The following MAPKAPK2 variants were observed in gnomAD, a reference collection of about 807,000 sequenced individuals.
MAPKAPK2 encodes the protein MAP kinase-activated protein kinase 2.
A neutral mutation model predicts 48.8 loss-of-function variants in MAPKAPK2; 9 were observed. That is an observed-to-expected ratio of 0.18 (90% CI 0.11 to 0.32). MAPKAPK2 has a LOEUF of 0.32. MAPKAPK2 is among the 10% of genes least tolerant of loss of function. MAPKAPK2 has a pLI of 1.00. For missense variants in MAPKAPK2, 331 were observed against 498.3 expected, an observed-to-expected ratio of 0.66 and a Z score of 3.20; for synonymous variants, 202 against 190.6, an observed-to-expected ratio of 1.06 and a Z score of -0.49.
At chr1:206,707,885 A>T (rs890586498) in intron 1 of MAPKAPK2, among the ~76,000 whole-genome samples, 1 of 152,248 alleles carries the variant, frequency 6.6e-6, no homozygotes, top group East Asian at 1.9e-4. Flanking sequence ...ATGTGAAACC[A>T]GCTGGATTTT....
Position 206,732,887 on chromosome 1 carries a change from A to ACTCTGGG in MAPKAPK2, c.*169_*170insCTCTGGG. 1.3e-6 allele frequency: 1 copy of ACTCTGGG among 754,256 alleles called. No individual in the cohort carries two copies. Among genetic ancestry groups the ACTCTGGG allele is most frequent in the Non-Finnish European group, 2.1e-6 (1 of 486,964 alleles). 46.7% of individuals were successfully genotyped at this position (754,256 alleles called of 1,614,324 possible). The stretch of plus-strand genomic sequence containing the variant: ...TCTGCCTTGGTTCTGGCCACCCCAG[A>ACTCTGGG]GTGGGAGAGGCTGGGAGGTTGGGAG... On this transcript the variant is annotated 3_prime_UTR_variant, in exon 10 of 10. Transcript: ENST00000367103. This position sits in a 1 kb window ranked among gnomAD's most constrained non-coding sequence, Gnocchi z 4.4.
chr1:206,730,786 T>TGGGGGGGG, intron 6 of MAPKAPK2, 23 bp downstream of exon 6: 2 of 552,132 alleles, frequency 3.6e-6, no homozygotes, highest in Non-Finnish European at 6.7e-6. Context: ...GGGAGGGGGC[T>TGGGGGGGG]GGGTGGGGCA....
In MAPKAPK2 at chr1:206,732,758, C is replaced by T. The variant is rs781869590; in HGVS notation, c.*40C>T. 3.7e-6 allele frequency: 6 copies of T among 1,610,658 alleles called. No individual in the cohort carries two copies. Among genetic ancestry groups the T allele is most frequent in the Middle Eastern group, 1.7e-4 (1 of 6,022 alleles). ...CTGCCCACGGGAGGACAAGCAATAACTCTCTACAGGAATATATTTTTTAAA... is the reference window on the plus strand; with the variant it reads ...CTGCCCACGGGAGGACAAGCAATAATTCTCTACAGGAATATATTTTTTAAA... On this transcript the variant is annotated 3_prime_UTR_variant, in exon 10 of 10. Transcript: ENST00000367103. This position sits in a 1 kb window ranked among gnomAD's most constrained non-coding sequence, Gnocchi z 4.4.
At position 206,719,748 on chromosome 1, in the gene MAPKAPK2, T is replaced by G. The variant is rs7549275; in HGVS notation, c.280-8962T>G. Among the ~76,000 whole-genome samples the G allele has an allele frequency of 9.9e-3, 1,501 of 152,256 alleles. 19 individuals carry two copies. Among genetic ancestry groups the G allele is most frequent in the African/African-American group, 0.035 (1,455 of 41,538 alleles). ...CTTCCAAGCTGGGCTAATTGAGAAG[T>G]GTGACATCTTGCTCCAGCCTATAAG... is the stretch of plus-strand genomic sequence containing the variant. On this transcript the variant is annotated intron_variant, in intron 1 of 9. Transcript: ENST00000367103.
At chr1:206,693,085 T>C (rs1672507271) in intron 1 of MAPKAPK2, among the ~76,000 whole-genome samples, 1 of 152,196 alleles carries the variant, frequency 6.6e-6, no homozygotes, top group Non-Finnish European at 1.5e-5. Context: ...CTTATCCTCC[T>C]GCTTGTCTAC....
chr1:206,720,037 C>T (rs1325837152), intron 1 of MAPKAPK2, among the ~76,000 whole-genome samples: 1 of 152,190 alleles, frequency 6.6e-6, no homozygotes, highest in Non-Finnish European at 1.5e-5. Flanking sequence ...CGGGGTTTCA[C>T]TGAGTGATCC....
Position 206,731,093 on chromosome 1 carries a change from G to A in MAPKAPK2, c.768-45G>A, listed in dbSNP as rs781804944. ...CCTGTTCCTGGTACAGGGCCACTAA[G>A]TGACAGCTGTTCTGTCTCCCACTTC... On this transcript the variant is annotated intron_variant, in intron 6 of 9. Coordinates refer to ENST00000367103, the MANE Select transcript of MAPKAPK2 (RefSeq NM_032960.4). The surrounding 1 kb of genome is among the most constrained non-coding windows in gnomAD (Gnocchi z 5.9). The A allele has an allele frequency of 1.8e-5, 29 of 1,613,592 alleles. No homozygotes were observed. The East Asian group carries it at 5.8e-4, about 32-fold the overall frequency.
At position 206,730,159 on chromosome 1, in the gene MAPKAPK2, C is replaced by T. The variant is rs1160632339; in HGVS notation, c.691+61C>T. 5.6e-6 allele frequency: 9 copies of T among 1,602,382 alleles called. No homozygotes were observed. The South Asian group carries it at 8.9e-5, about 16-fold the overall frequency. On this transcript the variant is annotated intron_variant, in intron 5 of 9. Transcript: ENST00000367103. ...CCCAGAACTTTTCTCAGCCCCTCCTCTTGGCTATCTGGGGGGCCGCAAATC... is the reference window on the plus strand; with the variant it reads ...CCCAGAACTTTTCTCAGCCCCTCCTTTTGGCTATCTGGGGGGCCGCAAATC...
At position 206,704,421 on chromosome 1, in the gene MAPKAPK2, G is replaced by T. The variant is rs1205731580; in HGVS notation, c.279+18913G>T. Among the ~76,000 whole-genome samples the T allele has an allele frequency of 2.6e-5, 4 of 152,330 alleles. No individual in the cohort carries two copies. In the East Asian group the frequency reaches 7.7e-4, roughly 29 times the overall value. ...TGGTGGTGGTGGCTCAGCTCACCCAGACCATGTGTGATGGTTATGGTGGTG... is the reference window on the plus strand; with the variant it reads ...TGGTGGTGGTGGCTCAGCTCACCCATACCATGTGTGATGGTTATGGTGGTG... On this transcript the variant is annotated intron_variant, in intron 1 of 9. Coordinates refer to ENST00000367103, the MANE Select transcript of MAPKAPK2 (RefSeq NM_032960.4). This position sits in a 1 kb window ranked among gnomAD's most constrained non-coding sequence, Gnocchi z 4.3.
chr1:206,702,287 A>C (rs1672821512), intron 1 of MAPKAPK2, among the ~76,000 whole-genome samples: 1 of 152,062 alleles, frequency 6.6e-6, no homozygotes, highest in African/African-American at 2.4e-5. Flanking sequence ...TCATCCTTGC[A>C]CTCAGTCTTC....
In MAPKAPK2 at chr1:206,732,274, C is replaced by A. The variant is rs1240064983; in HGVS notation, c.1060-301C>A. ...TCACGCAGCTGGTGACTGGTTGGGGCAGACCGGACCCAGGTTTCCTGACTC... is the reference window on the plus strand; with the variant it reads ...TCACGCAGCTGGTGACTGGTTGGGGAAGACCGGACCCAGGTTTCCTGACTC... On this transcript the variant is annotated intron_variant, in intron 9 of 9. Transcript: ENST00000367103. This position sits in a 1 kb window ranked among gnomAD's most constrained non-coding sequence, Gnocchi z 4.4. 6.9e-7 allele frequency: 1 copy of A among 1,455,560 alleles called. No homozygotes were observed. Among genetic ancestry groups the A allele is most frequent in the East Asian group, 2.5e-5 (1 of 40,370 alleles). The allele number at this position is 1,455,560 out of a possible 1,614,324, so 90.2% of individuals were successfully genotyped here.
intron 1 of MAPKAPK2, among the ~76,000 whole-genome samples, chr1:206,722,889 G>A (rs1553431409): frequency 6.6e-6 from 1 of 152,136 alleles, no homozygotes; most frequent in African/African-American, 2.4e-5. Flanking sequence ...CCGGTGGTCC[G>A]GGAACCAGAG....
In MAPKAPK2 at chr1:206,733,021, A is replaced by C; in HGVS notation, c.*303A>C. On this transcript the variant is annotated 3_prime_UTR_variant, in exon 10 of 10. Coordinates refer to ENST00000367103, the MANE Select transcript of MAPKAPK2 (RefSeq NM_032960.4). ...AAACCTCTTTTGTTGTCCTTGCCCCACTCCTCTCCACCAGACGCCTTCCTC... is the reference window on the plus strand; with the variant it reads ...AAACCTCTTTTGTTGTCCTTGCCCCCCTCCTCTCCACCAGACGCCTTCCTC... 3.1e-6 allele frequency: 1 copy of C among 321,292 alleles called. No individual in the cohort carries two copies. The allele number at this position is 321,292 out of a possible 1,614,324, so 19.9% of individuals were successfully genotyped here.
intron 1 of MAPKAPK2, among the ~76,000 whole-genome samples, chr1:206,694,677 C>T (rs782669296): frequency 7.2e-5 from 11 of 152,156 alleles, no homozygotes; most frequent in Non-Finnish European, 1.3e-4. Context: ...AAGGGTCCTG[C>T]GGGGAGAGCC....
intron 1 of MAPKAPK2, among the ~76,000 whole-genome samples, chr1:206,722,755 G>A (rs1169599407): frequency 6.6e-6 from 1 of 152,214 alleles, no homozygotes; most frequent in Non-Finnish European, 1.5e-5. Flanking sequence ...CCTGCAGCCT[G>A]CTCCAGCACC....
At chr1:206,708,399 T>C (rs1235018762) in intron 1 of MAPKAPK2, among the ~76,000 whole-genome samples, 1 of 152,342 alleles carries the variant, frequency 6.6e-6, no homozygotes, top group Non-Finnish European at 1.5e-5. Flanking sequence ...ACAGTGAACA[T>C]GATTATACCA....
intron 1 of MAPKAPK2, among the ~76,000 whole-genome samples, chr1:206,727,938 G>T (rs981526575): frequency 2.6e-5 from 4 of 152,164 alleles, no homozygotes; most frequent in African/African-American, 9.7e-5. Flanking sequence ...TTTCTTACAA[G>T]GCTCTTGGCC....
At chr1:206,706,326 G>A (rs1285980119) in intron 1 of MAPKAPK2, among the ~76,000 whole-genome samples, 1 of 151,984 alleles carries the variant, frequency 6.6e-6, no homozygotes, top group African/African-American at 2.4e-5. Flanking sequence ...CACTCAGATG[G>A]GGGAGGAGCA....
chr1:206,724,196 G>T (rs536689206), intron 1 of MAPKAPK2, among the ~76,000 whole-genome samples: 8 of 152,248 alleles, frequency 5.3e-5, no homozygotes, highest in Non-Finnish European at 1.2e-4. Context: ...AGGAGCAGGG[G>T]CCTTGGCTTC....
Sources: allele counts gnomAD v4.1 joint callset (sites outside exome capture counted in the v4.1 genomes callset), GRCh38; gene constraint gnomAD v4.1.1; non-coding constraint Gnocchi (gnomAD v3.1); transcripts MANE v1.5; gene names NCBI Gene and HGNC (gene_info 2026-07-23, HGNC 2026-07-21).